PTCH1: variants seen among roughly 807,000 people sequenced by gnomAD.
The protein encoded by PTCH1 is patched 1, also known as protein patched homolog 1.
Under a neutral mutation model 144.6 loss-of-function variants are expected in PTCH1, and 14 were observed. The ratio of observed to expected loss-of-function variants is 0.10; its 90% confidence interval spans 0.06 to 0.15. The LOEUF (loss-of-function observed/expected upper bound fraction) is 0.15. Ranked by LOEUF, PTCH1 falls within the 10% of genes least tolerant of loss-of-function variation. The pLI, the probability that PTCH1 is intolerant of heterozygous loss-of-function variation, is 1.00. For synonymous variants in PTCH1, 833 were observed against 793.6 expected (o/e 1.05, Z -0.83); for missense variants, 1,623 against 1,948.3 (o/e 0.83, Z 3.14).
rs752508525 is a variant in PTCH1, at chr9:95,458,223, G to A, written c.2958C>T (p.Asp986=). The change falls in exon 18 of 24, where the codon GAC becomes GAT. Residue 986 remains aspartate, a synonymous_variant. Transcript: ENST00000331920. The surrounding 1 kb of genome is among the most constrained non-coding windows in gnomAD (Gnocchi z 4.7). The stretch of plus-strand genomic sequence containing the variant: ...TTACTTTTTCAATTGCCTCCACAAA[G>A]TCTGAGGTGTCCCGCAAGCCGTTGA... ...FYLNGLRDTS[D]FVEAIEKVRT... is the part of the protein sequence containing the mutation. 2.5e-6 allele frequency: 4 copies of A among 1,614,006 alleles called. No homozygotes were observed. In the Admixed American group the frequency reaches 6.7e-5, roughly 27 times the overall value.
intron 2 of PTCH1, among the ~76,000 whole-genome samples, chr9:95,503,007 C>A (rs1403263288): frequency 6.6e-6 from 1 of 152,146 alleles, no homozygotes; most frequent in African/African-American, 2.4e-5. Context: ...GATTTTAAAC[C>A]GCAGGAGAAG....
At chr9:95,490,842 A>G (rs1312830528) in intron 2 of PTCH1, among the ~76,000 whole-genome samples, 2 of 152,182 alleles carry the variant, frequency 1.3e-5, no homozygotes, top group Admixed American at 1.3e-4. Context: ...TACACTGTAT[A>G]TTTCAAAATA....
chr9:95,454,217 T>G (rs1838719464), intron 19 of PTCH1, among the ~76,000 whole-genome samples: 1 of 152,216 alleles, frequency 6.6e-6, no homozygotes, highest in African/African-American at 2.4e-5. Flanking sequence ...CCTAAAGCTC[T>G]CCTAGGCCAG....
rs146131736 is a variant in PTCH1 at position 95,444,685 on chromosome 9, G to C, written c.*1708C>G. 1 of 152,232 alleles carries C rather than the reference G, an allele frequency of 6.6e-6. No homozygotes were observed. Among genetic ancestry groups the C allele is most frequent in the African/African-American group, 2.4e-5 (1 of 41,410 alleles). 9.4% of individuals were successfully genotyped at this position (152,232 alleles called of 1,614,324 possible). A position where few individuals can be genotyped will look rare whatever the true frequency, so the allele number is the denominator to read the frequency against. On this transcript the variant is annotated 3_prime_UTR_variant, in exon 24 of 24. Coordinates refer to ENST00000331920, the MANE Select transcript of PTCH1 (RefSeq NM_000264.5). ...AAGGGAGTAACAGGAGCTGCCACTC[G>C]TGAGCGCCTCACAGTAGCTTAGGCT...
chr9:95,460,943 C>T (rs1270476220), intron 16 of PTCH1, among the ~76,000 whole-genome samples: 1 of 152,170 alleles, frequency 6.6e-6, no homozygotes, highest in Non-Finnish European at 1.5e-5. Context: ...TCCATAACAA[C>T]TCTGAACAAT....
rs1055923185 is a variant in PTCH1, at chr9:95,443,871, T to C, written c.*2522A>G. ...ACCCAGTTTGAATATTTATTTCCTT[T>C]AAACTCCTTACCCTAAAACCTACCA... On this transcript the variant is annotated 3_prime_UTR_variant, in exon 24 of 24. Coordinates refer to ENST00000331920, the MANE Select transcript of PTCH1 (RefSeq NM_000264.5). 7 of 152,646 alleles carry C rather than the reference T, an allele frequency of 4.6e-5. No individual in the cohort carries two copies. Among genetic ancestry groups the C allele is most frequent in the Non-Finnish European group, 1.0e-4 (7 of 68,034 alleles). The allele number at this position is 152,646 out of a possible 1,614,324, so 9.5% of individuals were successfully genotyped here.
chr9:95,516,740 GCGCGCTGGGC>G, exon 1 of PTCH1: 1 of 1,613,194 alleles, frequency 6.2e-7, no homozygotes, highest in Non-Finnish European at 8.5e-7. Context: ...AAAAACCCCG[GCGCGCTGGGC>G]CGCCGGAGGC....
intron 2 of PTCH1, among the ~76,000 whole-genome samples, chr9:95,491,005 TATCA>T (rs1842366083): frequency 6.6e-6 from 1 of 152,218 alleles, no homozygotes; most frequent in South Asian, 2.1e-4. Flanking sequence ...CAGTATTATG[TATCA>T]ATAATACTAA....
At chr9:95,505,112 C>A (rs560490266) in intron 2 of PTCH1, among the ~76,000 whole-genome samples, 1 of 152,298 alleles carries the variant, frequency 6.6e-6, no homozygotes, top group Admixed American at 6.5e-5. Context: ...ATTGTCACTT[C>A]TCAACTAAAT....
At chr9:95,511,659 G>T (rs1844167325), upstream of PTCH1, among the ~76,000 whole-genome samples, 1 of 152,242 alleles carries the variant, frequency 6.6e-6, no homozygotes, top group African/African-American at 2.4e-5. Context: ...AAAGAGCTCA[G>T]ACGGCTCCAC....
At chr9:95,483,410 GAAAA>G (rs113335239) in intron 3 of PTCH1, 2 of 109,846 alleles carry the variant, frequency 1.8e-5, no homozygotes, top group Admixed American at 9.2e-5. Context: ...CCAAGGGAAG[GAAAA>G]AAAAAAAAAA....
At chr9:95,494,046 C>A (rs114617085) in intron 2 of PTCH1, among the ~76,000 whole-genome samples, 2 of 152,294 alleles carry the variant, frequency 1.3e-5, no homozygotes, top group African/African-American at 2.4e-5. Context: ...CAAAGCATAA[C>A]GAGAAAAGGA....
intron 15 of PTCH1, among the ~76,000 whole-genome samples, chr9:95,462,727 T>C (rs887670224): frequency 2.6e-5 from 4 of 151,918 alleles, no homozygotes; most frequent in African/African-American, 9.7e-5. Flanking sequence ...CACAGGCCAA[T>C]ACAAGGAGGC....
At chr9:95,446,583 CA>C (rs1317172518) in intron 23 of PTCH1, 192 bp from the exon 24 acceptor site, 1 of 464,876 alleles carries the variant, frequency 2.2e-6, no homozygotes, top group African/African-American at 2.0e-5. Context: ...GATGCGTTCC[CA>C]TGTGACCAAT....
intron 12 of PTCH1, among the ~76,000 whole-genome samples, chr9:95,473,244 G>C (rs1840733052): frequency 6.6e-6 from 1 of 152,192 alleles, no homozygotes; most frequent in Non-Finnish European, 1.5e-5. Context: ...CTAATTATTT[G>C]GTCAGGCTAC....
At position 95,508,562 on chromosome 9, in the gene PTCH1, G is replaced by A. The variant is rs1843942104; in HGVS notation, c.-201C>T. 1.0e-6 allele frequency: 1 copy of A among 1,001,966 alleles called. No homozygotes were observed. Among genetic ancestry groups the A allele is most frequent in the Non-Finnish European group, 1.2e-6 (1 of 841,300 alleles). 62.1% of individuals were successfully genotyped at this position (1,001,966 alleles called of 1,614,324 possible). ...ACACGGCGGGCGCTGCTGCCGCTGCGGCCGCGGCCGCTGCCGGGGAGTCAG... is the reference window on the plus strand; with the variant it reads ...ACACGGCGGGCGCTGCTGCCGCTGCAGCCGCGGCCGCTGCCGGGGAGTCAG... On this transcript the variant is annotated 5_prime_UTR_variant, in exon 1 of 24. Coordinates refer to ENST00000331920, the MANE Select transcript of PTCH1 (RefSeq NM_000264.5).
upstream of PTCH1, among the ~76,000 whole-genome samples, chr9:95,511,582 C>T (rs1844162820): frequency 6.6e-6 from 1 of 152,172 alleles, no homozygotes; most frequent in Admixed American, 6.5e-5. Flanking sequence ...GTGAGTGCCT[C>T]AGGGAAGGGC....
At chr9:95,452,574 C>A (rs959082960) in intron 20 of PTCH1, 1 of 152,196 alleles carries the variant, frequency 6.6e-6, no homozygotes, top group East Asian at 1.9e-4. Context: ...TTCTCAAATT[C>A]TTTTCAAAAG....
In PTCH1 at chr9:95,457,918, T is replaced by C. The variant is rs1269430209; in HGVS notation, c.3168+95A>G. ...ACGGATGATGCAAGCTATACCCTCCTCCAGAGGCCCAGACATAAACAAAAC... is the reference window on the plus strand; with the variant it reads ...ACGGATGATGCAAGCTATACCCTCCCCCAGAGGCCCAGACATAAACAAAAC... On this transcript the variant is annotated intron_variant, in intron 18 of 23. Transcript: ENST00000331920. 10 of 1,514,422 alleles carry C rather than the reference T, an allele frequency of 6.6e-6. No homozygotes were observed. The Admixed American group carries it at 1.7e-4, about 26-fold the overall frequency. 93.8% of individuals were successfully genotyped at this position (1,514,422 alleles called of 1,614,324 possible).
Sources: gnomAD v4.1 joint callset for allele counts (sites outside exome capture counted in the v4.1 genomes callset) on GRCh38, gnomAD v4.1.1 for gene constraint, Gnocchi (gnomAD v3.1) non-coding constraint, MANE v1.5 for transcripts, NCBI Gene and HGNC (gene_info 2026-07-23, HGNC 2026-07-21) for gene names.